The following THSD7B variants were observed in gnomAD, a reference collection of about 807,000 sequenced individuals.
THSD7B encodes the protein thrombospondin type 1 domain containing 7B, also known as thrombospondin type-1 domain-containing protein 7B.
A neutral mutation model predicts 213.6 loss-of-function variants in THSD7B; 138 were observed. That is an observed-to-expected ratio of 0.65 (90% CI 0.56 to 0.74). The LOEUF is 0.74. THSD7B is among the 30% of genes least tolerant of loss of function. The probability of loss-of-function intolerance (pLI) is 0.00; values close to 1 mark genes in which losing one functional copy is unlikely to be tolerated. For missense variants in THSD7B, 1,931 were observed against 1,991.5 expected (o/e 0.97, Z 0.58); for synonymous variants, 742 against 687.0 (o/e 1.08, Z -1.25).
At chr2:137,228,545 A>G (rs1344649743) in intron 7 of THSD7B, among the ~76,000 whole-genome samples, 1 of 152,110 alleles carries the variant, frequency 6.6e-6, no homozygotes, top group Non-Finnish European at 1.5e-5. Context: ...CTCCTCCAAG[A>G]TAGTCTTTCT....
intron 2 of THSD7B, among the ~76,000 whole-genome samples, chr2:137,034,661 C>T (rs1018769666): frequency 6.6e-6 from 1 of 152,112 alleles, no homozygotes; most frequent in Non-Finnish European, 1.5e-5. Flanking sequence ...TTGTTCAACT[C>T]CCACTTATGA....
chr2:137,673,021 T>G (rs762248035), intron 27 of THSD7B, among the ~76,000 whole-genome samples: 2 of 152,196 alleles, frequency 1.3e-5, no homozygotes, highest in Non-Finnish European at 2.9e-5. Flanking sequence ...CTGTAATGCA[T>G]TCTTATTCTT....
chr2:137,448,318 T>C (rs533896316), intron 14 of THSD7B, among the ~76,000 whole-genome samples: 15 of 152,258 alleles, frequency 9.9e-5, no homozygotes, highest in African/African-American at 2.9e-4. Flanking sequence ...ATCAACCAAA[T>C]TGGCAAGAGA....
At chr2:137,234,369 G>A (rs939944003) in intron 9 of THSD7B, among the ~76,000 whole-genome samples, 6 of 152,216 alleles carry the variant, frequency 3.9e-5, no homozygotes, top group African/African-American at 1.4e-4. Flanking sequence ...GATCCACACT[G>A]TCATGGAAGC....
At chr2:136,923,438 T>C (rs1684470152) in intron 2 of THSD7B, among the ~76,000 whole-genome samples, 1 of 152,222 alleles carries the variant, frequency 6.6e-6, no homozygotes, top group Admixed American at 6.5e-5. Flanking sequence ...TTCAAGATCC[T>C]TTTTCTTCAA....
At chr2:137,346,905 C>G (rs1330505516) in intron 12 of THSD7B, among the ~76,000 whole-genome samples, 1 of 151,646 alleles carries the variant, frequency 6.6e-6, no homozygotes. Flanking sequence ...GCACAAATAT[C>G]TCTTTGAGAT....
At chr2:137,632,103 A>T (rs1197210611) in intron 20 of THSD7B, among the ~76,000 whole-genome samples, 4 of 152,184 alleles carry the variant, frequency 2.6e-5, no homozygotes, top group African/African-American at 9.6e-5. Context: ...AGGTATCTCC[A>T]AAGCCCCCAT....
intron 20 of THSD7B, among the ~76,000 whole-genome samples, chr2:137,625,743 A>G (rs924709459): frequency 2.6e-5 from 4 of 152,162 alleles, no homozygotes; most frequent in South Asian, 2.1e-4. Flanking sequence ...CACACTGCCA[A>G]TGGCTCTACA....
At chr2:136,827,868 A>T (rs1175487696) in intron 1 of THSD7B, among the ~76,000 whole-genome samples, 1 of 152,168 alleles carries the variant, frequency 6.6e-6, no homozygotes, top group Non-Finnish European at 1.5e-5. Flanking sequence ...GAACCATTTC[A>T]GACTATAAAA....
chr2:137,001,745 T>C (rs1250708896), intron 2 of THSD7B, among the ~76,000 whole-genome samples: 2 of 152,132 alleles, frequency 1.3e-5, no homozygotes, highest in Non-Finnish European at 2.9e-5. Context: ...TATGTTTAGC[T>C]TCAACCCACT....
chr2:136,967,955 G>A (rs1685347688), intron 2 of THSD7B, among the ~76,000 whole-genome samples: 1 of 152,122 alleles, frequency 6.6e-6, no homozygotes, highest in South Asian at 2.1e-4. Context: ...GTCGCTGTAT[G>A]TTTTTATTGC....
Position 136,882,295 on chromosome 2 carries a change from T to A in THSD7B, c.117T>A (p.Asp39Glu). The change falls in exon 2 of 28, where the codon GAT becomes GAA. Residue 39 changes from aspartate to glutamate, a missense_variant. By Grantham distance (45) the Asp-to-Glu change is conservative. Coordinates refer to ENST00000409968, the MANE Select transcript of THSD7B (RefSeq NM_001316349.2). ...SHAAHLEGKK[D>E]NQFIWKPGPW... is the part of the protein sequence containing the mutation. ...CAGCTCATTTGGAAGGCAAAAAGGATAATCAGTTCATCTGGAAACCAGGTA... is the reference window on the plus strand; with the variant it reads ...CAGCTCATTTGGAAGGCAAAAAGGAAAATCAGTTCATCTGGAAACCAGGTA... 1 of 1,538,430 alleles carries A rather than the reference T, an allele frequency of 6.5e-7. No homozygotes were observed. Among genetic ancestry groups the A allele is most frequent in the South Asian group, 1.2e-5 (1 of 81,626 alleles).
intron 2 of THSD7B, among the ~76,000 whole-genome samples, chr2:136,998,585 C>T (rs1685939878): frequency 6.6e-6 from 1 of 152,078 alleles, no homozygotes; most frequent in African/African-American, 2.4e-5. Context: ...TGTGGCATAT[C>T]GGACTTCACA....
chr2:137,123,622 C>T (rs1279754034), intron 5 of THSD7B, among the ~76,000 whole-genome samples: 3 of 151,984 alleles, frequency 2.0e-5, no homozygotes, highest in Admixed American at 6.5e-5. Flanking sequence ...AGAATTTCAG[C>T]GATAACGTTC....
intron 12 of THSD7B, among the ~76,000 whole-genome samples, chr2:137,277,294 A>C (rs963283346): frequency 2.0e-5 from 3 of 152,054 alleles, no homozygotes; most frequent in African/African-American, 7.2e-5. Flanking sequence ...TAGAATATGA[A>C]ATCTCTTTGG....
chr2:137,194,730 T>C (rs907681711), intron 7 of THSD7B, among the ~76,000 whole-genome samples: 12 of 152,274 alleles, frequency 7.9e-5, no homozygotes, highest in African/African-American at 2.9e-4. Flanking sequence ...CTAATTATTA[T>C]ACATGTACCT....
chr2:137,208,522 A>T (rs957985801), intron 7 of THSD7B, among the ~76,000 whole-genome samples: 19 of 152,172 alleles, frequency 1.2e-4, no homozygotes, highest in African/African-American at 4.3e-4. Flanking sequence ...CCTTTGTACA[A>T]GGGCACTGGC....
At chr2:137,199,131 G>T (rs1680825371) in intron 7 of THSD7B, among the ~76,000 whole-genome samples, 2 of 152,140 alleles carry the variant, frequency 1.3e-5, no homozygotes, top group South Asian at 4.1e-4. Context: ...CATTCTACAA[G>T]CGAGTCCTAT....
intron 10 of THSD7B, among the ~76,000 whole-genome samples, chr2:137,251,892 ATG>A (rs1276750605): frequency 6.6e-6 from 1 of 152,196 alleles, no homozygotes; most frequent in Non-Finnish European, 1.5e-5. Flanking sequence ...TGTTTGAGAA[ATG>A]TGTGACAAGC....
Sources: gnomAD v4.1 joint callset for allele counts (sites outside exome capture counted in the v4.1 genomes callset) on GRCh38, gnomAD v4.1.1 for gene constraint, MANE v1.5 for transcripts, NCBI Gene and HGNC (gene_info 2026-07-23, HGNC 2026-07-21) for gene names.